The following SEMA3A variants were observed in gnomAD, a reference collection of about 807,000 sequenced individuals.
SEMA3A encodes the protein semaphorin-3A.
In SEMA3A, 29 loss-of-function variants were observed where a neutral mutation model predicts 97.9. The ratio of observed to expected loss-of-function variants is 0.30; its 90% CI spans 0.22 to 0.40. The LOEUF is 0.40. Ranked by LOEUF, SEMA3A falls within the 10% of genes least tolerant of loss-of-function variation. The pLI, the probability that SEMA3A is intolerant of heterozygous loss-of-function variation, is 1.00. For missense variants in SEMA3A, 763 were observed against 951.3 expected, an observed-to-expected ratio of 0.80 and a Z score of 2.60; for synonymous variants, 321 against 323.7, an observed-to-expected ratio of 0.99 and a Z score of 0.09.
At chr7:84,138,238 C>A (rs1290590888) in intron 1 of SEMA3A, among the ~76,000 whole-genome samples, 2 of 151,400 alleles carry the variant, frequency 1.3e-5, no homozygotes, top group African/African-American at 2.4e-5. Flanking sequence ...TTTTTTTAAC[C>A]TATCTTACTA....
intron 14 of SEMA3A, among the ~76,000 whole-genome samples, chr7:83,980,615 A>AAT (rs1789359333): frequency 3.6e-5 from 3 of 82,632 alleles, no homozygotes; most frequent in African/African-American, 1.5e-4. Flanking sequence ...AAAAAAAAAA[A>AAT]AAAAAAAAAT....
At chr7:84,035,573 C>T (rs2116474663) in intron 6 of SEMA3A, among the ~76,000 whole-genome samples, 1 of 151,544 alleles carries the variant, frequency 6.6e-6, no homozygotes, top group East Asian at 1.9e-4. Flanking sequence ...AAAATAAAAC[C>T]CCTTAACTCT....
chr7:84,003,162 T>C (rs977137352), intron 11 of SEMA3A, among the ~76,000 whole-genome samples: 3 of 152,120 alleles, frequency 2.0e-5, no homozygotes, highest in Non-Finnish European at 2.9e-5. Context: ...TGATATGTTA[T>C]ATGAGATCAA....
intron 4 of SEMA3A, among the ~76,000 whole-genome samples, chr7:84,070,005 C>G (rs996060748): frequency 3.9e-5 from 6 of 152,030 alleles, no homozygotes; most frequent in African/African-American, 4.8e-5. Context: ...TGATTGCTAC[C>G]CAGTGGATTT....
At chr7:84,150,729 G>T (rs1219364469) in intron 1 of SEMA3A, among the ~76,000 whole-genome samples, 5 of 152,094 alleles carry the variant, frequency 3.3e-5, no homozygotes, top group African/African-American at 1.2e-4. Context: ...GAACTGGGTG[G>T]AGCCCACCAC....
chr7:84,249,408 T>TATCTATCTATC (rs1554351599), intron 3 of SEMA3A, among the ~76,000 whole-genome samples: 2 of 151,938 alleles, frequency 1.3e-5, no homozygotes, highest in African/African-American at 2.4e-5. Flanking sequence ...TCTATCTATC[T>TATCTATCTATC]ATCTATCTAT....
At chr7:84,264,176 C>A (rs1799932830) in intron 3 of SEMA3A, among the ~76,000 whole-genome samples, 1 of 151,976 alleles carries the variant, frequency 6.6e-6, no homozygotes, top group East Asian at 1.9e-4. Context: ...GTCTGTCTTC[C>A]TTCTAATACA....
intron 2 of SEMA3A, among the ~76,000 whole-genome samples, chr7:84,356,534 A>T (rs1056631514): frequency 6.6e-6 from 1 of 151,680 alleles, no homozygotes; most frequent in Non-Finnish European, 1.5e-5. Flanking sequence ...ATAAGCAGTG[A>T]TTTAGTAGCA....
chr7:84,342,356 C>G (rs1374945930), intron 2 of SEMA3A, among the ~76,000 whole-genome samples: 1 of 151,970 alleles, frequency 6.6e-6, no homozygotes, highest in Non-Finnish European at 1.5e-5. Flanking sequence ...TTTTACTTTA[C>G]TATTAAAGGT....
intron 3 of SEMA3A, among the ~76,000 whole-genome samples, chr7:84,256,735 T>C (rs1041350076): frequency 7.9e-5 from 12 of 152,088 alleles, no homozygotes; most frequent in African/African-American, 2.9e-4. Context: ...AGACGACATA[T>C]GGTTAACATC....
intron 12 of SEMA3A, among the ~76,000 whole-genome samples, chr7:84,001,262 G>A (rs12671186): frequency 0.25 from 38,326 of 151,822 alleles, 5,154 homozygotes; most frequent in East Asian, 0.6. Context: ...GTATATGTTA[G>A]ACTACTTTAG....
At chr7:84,026,960 T>C (rs535787252) in intron 6 of SEMA3A, among the ~76,000 whole-genome samples, 1 of 152,124 alleles carries the variant, frequency 6.6e-6, no homozygotes, top group African/African-American at 2.4e-5. Context: ...CGAGTTTACC[T>C]ATAAAGCAAA....
intron 5 of SEMA3A, among the ~76,000 whole-genome samples, chr7:84,057,429 C>T (rs963659820): frequency 1.1e-4 from 16 of 151,878 alleles, no homozygotes; most frequent in Non-Finnish European, 2.2e-4. Flanking sequence ...TTTTTTAAAA[C>T]AAATTCATAA....
At position 84,190,794 on chromosome 7, in the gene SEMA3A, G is replaced by A. The variant is rs556958322; in HGVS notation, c.112+3681C>T. 4.4e-4 allele frequency among the ~76,000 whole-genome samples: 66 copies of A among 149,312 alleles called. 2 individuals carry two copies. The highest frequency in any genetic ancestry group is 7.0e-3 in the Middle Eastern group (2 of 284). ...ATGTCATTTTAAACCAACAATTTAC[G>A]AAGAATTGTATTGTGATTCAGAACT... On this transcript the variant is annotated intron_variant, in intron 1 of 16. Coordinates refer to ENST00000265362, the MANE Select transcript of SEMA3A (RefSeq NM_006080.3).
At chr7:84,351,029 T>C (rs950462606) in intron 2 of SEMA3A, among the ~76,000 whole-genome samples, 2 of 149,822 alleles carry the variant, frequency 1.3e-5, no homozygotes, top group Admixed American at 6.7e-5. Flanking sequence ...TTATATAAAC[T>C]TAGGGAAACA....
At chr7:84,204,326 A>G (rs1330035278) in intron 3 of SEMA3A, among the ~76,000 whole-genome samples, 1 of 152,220 alleles carries the variant, frequency 6.6e-6, no homozygotes, top group African/African-American at 2.4e-5. Flanking sequence ...TTATTTGTCT[A>G]GAAAGCAGTT....
chr7:84,336,914 T>C (rs1362261046), intron 2 of SEMA3A, among the ~76,000 whole-genome samples: 1 of 152,174 alleles, frequency 6.6e-6, no homozygotes, highest in East Asian at 1.9e-4. Flanking sequence ...ATATAATTTT[T>C]CTAAGAATAA....
At chr7:84,266,180 G>A (rs1391829077) in intron 3 of SEMA3A, among the ~76,000 whole-genome samples, 1 of 151,758 alleles carries the variant, frequency 6.6e-6, no homozygotes. Flanking sequence ...AATTAGCCAG[G>A]CATAGTGGTG....
chr7:84,074,060 A>T (rs2115766375), intron 4 of SEMA3A, among the ~76,000 whole-genome samples: 1 of 152,248 alleles, frequency 6.6e-6, no homozygotes, highest in Middle Eastern at 3.4e-3. Flanking sequence ...CATCCTTCTA[A>T]ATAAATACAG....
Sources: allele counts gnomAD v4.1 joint callset (sites outside exome capture counted in the v4.1 genomes callset), GRCh38; gene constraint gnomAD v4.1.1; transcripts MANE v1.5; gene names NCBI Gene and HGNC (gene_info 2026-07-23, HGNC 2026-07-21).